The following SKA3 variants were observed in gnomAD, a reference collection of about 807,000 sequenced individuals.
SKA3 encodes the protein spindle and kinetochore-associated protein 3.
A neutral mutation model predicts 44.2 loss-of-function variants in SKA3; 39 were observed. The observed-to-expected ratio is 0.88, with a 90% CI of 0.68 to 1.15. SKA3 has a LOEUF of 1.15. SKA3 is among the 50% of genes most tolerant of loss of function. SKA3 has a pLI of 0.00. For missense variants in SKA3, 511 were observed against 485.8 expected, an observed-to-expected ratio of 1.05 and a Z score of -0.49; for synonymous variants, 192 against 172.0, an observed-to-expected ratio of 1.12 and a Z score of -0.91.
intron 4 of SKA3, among the ~76,000 whole-genome samples, chr13:21,162,656 C>G (rs1870502350): frequency 6.6e-6 from 1 of 152,126 alleles, no homozygotes. Flanking sequence ...GTGTGGATTA[C>G]AGGTGTGAGC....
At chr13:21,157,519 G>A (rs145627734) in intron 7 of SKA3, among the ~76,000 whole-genome samples, 2 of 152,258 alleles carry the variant, frequency 1.3e-5, no homozygotes, top group East Asian at 3.9e-4. Context: ...TGACTGCTGT[G>A]GCATATGCAG....
At chr13:21,175,553 G>A (rs1367572722) in intron 1 of SKA3, among the ~76,000 whole-genome samples, 1 of 152,214 alleles carries the variant, frequency 6.6e-6, no homozygotes, top group Admixed American at 6.5e-5. Context: ...TAGGATTACA[G>A]GCGTGAGCCA....
intron 1 of SKA3, among the ~76,000 whole-genome samples, chr13:21,175,148 T>C (rs1331139241): frequency 2.0e-5 from 3 of 151,550 alleles, no homozygotes; most frequent in Admixed American, 2.0e-4. Flanking sequence ...GCTAATTGTT[T>C]TGTATTTTTA....
At chr13:21,166,807 T>C (rs576411139) in intron 4 of SKA3, among the ~76,000 whole-genome samples, 77 of 152,308 alleles carry the variant, frequency 5.1e-4, no homozygotes, top group Middle Eastern at 3.4e-3. Flanking sequence ...TATTTATGTT[T>C]AGATAAGGAC....
intron 3 of SKA3, among the ~76,000 whole-genome samples, chr13:21,169,545 A>G (rs1387584112): frequency 6.6e-6 from 1 of 151,966 alleles, no homozygotes; most frequent in Non-Finnish European, 1.5e-5. Context: ...GCATGACCCT[A>G]TAAAACTTCC....
At chr13:21,174,664 G>C (rs1344602568) in intron 1 of SKA3, among the ~76,000 whole-genome samples, 1 of 151,942 alleles carries the variant, frequency 6.6e-6, no homozygotes, top group East Asian at 1.9e-4. Flanking sequence ...ACACCAACAT[G>C]GTGCATGTAT....
intron 4 of SKA3, among the ~76,000 whole-genome samples, chr13:21,162,253 T>C (rs1335920215): frequency 6.6e-6 from 1 of 152,216 alleles, no homozygotes; most frequent in Admixed American, 6.5e-5. Context: ...TGTAAAATAG[T>C]TATAAAGAGA....
chr13:21,156,887 T>C (rs9645848), intron 7 of SKA3, among the ~76,000 whole-genome samples: 11,575 of 22,408 alleles, frequency 0.52, 5,458 homozygotes, highest in East Asian at 1. Context: ...GGTGAAACCC[T>C]GTCTCTACTA....
rs1274466168 is a variant in SKA3 at position 21,172,430 on chromosome 13, T to G, written c.240A>C (p.Lys80Asn). The G allele has an allele frequency of 3.8e-6, 6 of 1,593,108 alleles. No homozygotes were observed. Among genetic ancestry groups the G allele is most frequent in the Non-Finnish European group, 5.1e-6 (6 of 1,173,002 alleles). Residue 80 changes from lysine to asparagine, a missense_variant, in exon 3 of 9, where the codon AAA becomes AAC. Transcript: ENST00000314759. ...CCATTGAATTTTTTTCCATTAGTAC[T>G]TTTGTTGCCTTTATGAAATCAATGC... ...QEGIDFIKAT[K>N]VLMEKNSMDI...
At chr13:21,175,004 G>T (rs1031651487) in intron 1 of SKA3, among the ~76,000 whole-genome samples, 1 of 152,070 alleles carries the variant, frequency 6.6e-6, no homozygotes, top group South Asian at 2.1e-4. Flanking sequence ...TTCTTAGATG[G>T]AGTCTAAGAT....
At chr13:21,170,449 G>A (rs1870976690) in intron 3 of SKA3, among the ~76,000 whole-genome samples, 1 of 152,076 alleles carries the variant, frequency 6.6e-6, no homozygotes, top group African/African-American at 2.4e-5. Flanking sequence ...CAAAGTGCTG[G>A]GATTACAGGC....
Position 21,168,385 on chromosome 13 carries a change from C to T in SKA3, c.346G>A (p.Ala116Thr). ...GACAACTCTGGGTCAGAGTTAATGG[C>T]TTCTTGCTCGTGTACTAGGAGGAAA... is the stretch of plus-strand genomic sequence containing the variant. Reference protein sequence around the residue: ...VKKNSVHEQEAINSDPELSNC... With the variant: ...VKKNSVHEQETINSDPELSNC... The change falls in exon 4 of 9, where the codon GCC becomes ACC. Residue 116 changes from alanine (A) to threonine (T), a missense_variant. By Grantham distance (58) the Ala-to-Thr change is moderately conservative (BLOSUM62 0). Transcript: ENST00000314759. 2 of 1,602,880 alleles carry T rather than the reference C, an allele frequency of 1.2e-6. No individual in the cohort carries two copies. The highest frequency in any genetic ancestry group is 1.7e-6 in the Non-Finnish European group (2 of 1,174,628).
rs550190463 is a variant in SKA3, at chr13:21,154,433, C to T, written c.*717G>A. The stretch of plus-strand genomic sequence containing the variant: ...TAGAGAGAGTGAAATTCAGGGTCTA[C>T]TGGGTGTCCAAGCTGCAGAGTGGAG... On this transcript the variant is annotated 3_prime_UTR_variant, in exon 9 of 9. Coordinates refer to ENST00000314759, the MANE Select transcript of SKA3 (RefSeq NM_145061.6). 6.5e-6 allele frequency: 1 copy of T among 153,004 alleles called. No individual in the cohort carries two copies. Among genetic ancestry groups the T allele is most frequent in the East Asian group, 1.9e-4 (1 of 5,204 alleles). The allele number at this position is 153,004 out of a possible 1,614,324, so 9.5% of individuals were successfully genotyped here.
intron 4 of SKA3, among the ~76,000 whole-genome samples, chr13:21,162,591 C>T (rs1870499401): frequency 6.6e-6 from 1 of 152,162 alleles, no homozygotes; most frequent in Non-Finnish European, 1.5e-5. Context: ...TGGTCTCGAA[C>T]TCCTGACCTC....
At position 21,167,999 on chromosome 13, in the gene SKA3, C is replaced by A. The variant is rs773001699; in HGVS notation, c.732G>T (p.Arg244Ser). ...ACAGAGCTGCTTACCTTTTATTATT[C>A]CTCGCATTTTTAAGTCCCATTGTGT... is the stretch of plus-strand genomic sequence containing the variant. ...EDYTMGLKNA[R>S]NNKSEEAIDT... The change falls in exon 4 of 9, where the codon AGG (arginine) becomes AGT (serine). Residue 244 changes from arginine (R) to serine (S), a missense_variant. Coordinates refer to ENST00000314759, the MANE Select transcript of SKA3 (RefSeq NM_145061.6). 2.5e-5 allele frequency: 39 copies of A among 1,576,934 alleles called. No homozygotes were observed. Among genetic ancestry groups the A allele is most frequent in the Non-Finnish European group, 3.4e-5 (39 of 1,161,318 alleles).
chr13:21,154,013 T>A lies in SKA3; in HGVS notation c.*1137A>T. 6.6e-6 allele frequency: 1 copy of A among 152,226 alleles called. No homozygotes were observed. Among genetic ancestry groups the A allele is most frequent in the East Asian group, 1.9e-4 (1 of 5,200 alleles). The allele number at this position is 152,226 out of a possible 1,614,324, so 9.4% of individuals were successfully genotyped here. A position where few individuals can be genotyped will look rare whatever the true frequency, so the allele number is the denominator to read the frequency against. On this transcript the variant is annotated 3_prime_UTR_variant, in exon 9 of 9. Coordinates refer to ENST00000314759, the MANE Select transcript of SKA3 (RefSeq NM_145061.6). ...AACTCAAGTTTTGTTTTGGTGACAG[T>A]TTTCTGACAAGATTAATAGAGCACA...
intron 4 of SKA3, among the ~76,000 whole-genome samples, chr13:21,163,278 T>A (rs1786442108): frequency 6.6e-6 from 1 of 152,090 alleles, no homozygotes; most frequent in Non-Finnish European, 1.5e-5. Context: ...CCCAACTTGG[T>A]ACCCATCTCT....
At chr13:21,164,558 G>A (rs1687566437) in intron 4 of SKA3, among the ~76,000 whole-genome samples, 1 of 152,100 alleles carries the variant, frequency 6.6e-6, no homozygotes, top group Non-Finnish European at 1.5e-5. Context: ...AAACAAATAT[G>A]CTTTGTACTA....
chr13:21,166,028 T>G (rs1181945893), intron 4 of SKA3, among the ~76,000 whole-genome samples: 1 of 151,996 alleles, frequency 6.6e-6, no homozygotes, highest in Non-Finnish European at 1.5e-5. Flanking sequence ...CTGATAACTT[T>G]TTTTTTTTTG....
Sources: allele counts gnomAD v4.1 joint callset (sites outside exome capture counted in the v4.1 genomes callset), GRCh38; gene constraint gnomAD v4.1.1; transcripts MANE v1.5; gene names NCBI Gene and HGNC (gene_info 2026-07-23, HGNC 2026-07-21).